CEP112: variants seen among roughly 807,000 people sequenced by gnomAD.
The protein encoded by CEP112 is centrosomal protein 112.
CEP112 carries 127 observed loss-of-function variants against 153.0 expected under a neutral mutation model. The ratio of observed to expected loss-of-function variants is 0.83; its 90% CI spans 0.72 to 0.96. The LOEUF (loss-of-function observed/expected upper bound fraction) is 0.96. Ranked by LOEUF, CEP112 falls within the 40% of genes least tolerant of loss-of-function variation. The pLI, the probability that CEP112 is intolerant of heterozygous loss-of-function variation, is 0.00. For missense variants in CEP112, 1,089 were observed against 1,101.2 expected, an observed-to-expected ratio of 0.99 and a Z score of 0.16; for synonymous variants, 358 against 374.4, an observed-to-expected ratio of 0.96 and a Z score of 0.51.
intron 21 of CEP112, among the ~76,000 whole-genome samples, chr17:65,780,716 C>T (rs189400893): frequency 2.0e-5 from 3 of 151,918 alleles, no homozygotes; most frequent in African/African-American, 7.3e-5. Context: ...ACATGAGTGG[C>T]CATTCTGTGG....
At chr17:65,794,709 T>C (rs2054801164) in intron 21 of CEP112, among the ~76,000 whole-genome samples, 2 of 152,356 alleles carry the variant, frequency 1.3e-5, no homozygotes, top group African/African-American at 4.8e-5. Context: ...ATGGACGGCA[T>C]GACAACCTTG....
intron 24 of CEP112, among the ~76,000 whole-genome samples, chr17:65,681,102 G>A (rs914521733): frequency 2.0e-5 from 3 of 152,206 alleles, no homozygotes; most frequent in African/African-American, 4.8e-5. Flanking sequence ...GGGCAGGGCT[G>A]TTTTGAGGAT....
At chr17:66,080,754 A>T (rs1159181990) in intron 8 of CEP112, among the ~76,000 whole-genome samples, 1 of 152,250 alleles carries the variant, frequency 6.6e-6, no homozygotes, top group Middle Eastern at 3.2e-3. Context: ...AAAGACTTAG[A>T]ACCAACCCAA....
chr17:66,176,805 A>G lies in CEP112; in HGVS notation c.297+25T>C, dbSNP rs778577690. The stretch of plus-strand genomic sequence containing the variant: ...GCTTTTTTTTAAATGAAACTAATAT[A>G]TACCTTTTGTTCATTGATACCTACC... On this transcript the variant is annotated intron_variant, in intron 3 of 26. Transcript: ENST00000535342. The G allele has an allele frequency of 1.9e-6, 3 of 1,556,674 alleles. No individual in the cohort carries two copies. The Admixed American group carries it at 5.9e-5, about 30-fold the overall frequency.
chr17:65,960,894 A>G (rs1416752622), intron 18 of CEP112, among the ~76,000 whole-genome samples: 1 of 152,142 alleles, frequency 6.6e-6, no homozygotes, highest in Non-Finnish European at 1.5e-5. Context: ...ACTTCACCTG[A>G]ATTTTTTAGT....
intron 23 of CEP112, among the ~76,000 whole-genome samples, chr17:65,691,456 T>C (rs1372111854): frequency 2.0e-5 from 3 of 152,204 alleles, no homozygotes; most frequent in Non-Finnish European, 4.4e-5. Context: ...ATAGATTGCC[T>C]GAAGCCCATC....
chr17:65,848,297 C>T (rs116530246), intron 21 of CEP112, among the ~76,000 whole-genome samples: 13 of 152,322 alleles, frequency 8.5e-5, no homozygotes, highest in African/African-American at 3.1e-4. Flanking sequence ...TCATTTTCAG[C>T]GCACTGTCCA....
intron 20 of CEP112, among the ~76,000 whole-genome samples, chr17:65,882,339 C>T (rs894009685): frequency 6.6e-6 from 1 of 152,250 alleles, no homozygotes; most frequent in Non-Finnish European, 1.5e-5. Context: ...ATTTTGGCAT[C>T]TTCAACAGCT....
intron 23 of CEP112, among the ~76,000 whole-genome samples, chr17:65,728,346 C>G (rs969755200): frequency 6.6e-6 from 1 of 152,088 alleles, no homozygotes; most frequent in Non-Finnish European, 1.5e-5. Flanking sequence ...ACAAAAGGGA[C>G]TTTAAGAGAA....
chr17:65,732,752 C>T lies in CEP112; in HGVS notation c.2607+10316G>A, dbSNP rs143091600. ...TGAACAAACCTCTGCTAGCTTCAGA[C>T]TTTTCTTCTGCAGCTTCCTCACCTC... On this transcript the variant is annotated intron_variant, in intron 23 of 26. Coordinates refer to ENST00000535342, the MANE Select transcript of CEP112 (RefSeq NM_001199165.4). Among the ~76,000 whole-genome samples, 793 of 152,328 alleles carry T rather than the reference C, an allele frequency of 5.2e-3. 6 individuals carry two copies. The highest frequency in any genetic ancestry group is 0.018 in the African/African-American group (760 of 41,570).
chr17:66,058,229 C>CAAAT (rs908951965), intron 11 of CEP112, among the ~76,000 whole-genome samples: 40 of 152,080 alleles, frequency 2.6e-4, no homozygotes, highest in African/African-American at 8.9e-4. Context: ...CTCTTCTCTT[C>CAAAT]AAATACCTGA....
At chr17:66,131,994 C>A (rs1368477592) in intron 5 of CEP112, among the ~76,000 whole-genome samples, 4 of 150,756 alleles carry the variant, frequency 2.7e-5, no homozygotes, top group African/African-American at 9.8e-5. Flanking sequence ...CATGGTGAAA[C>A]CCTGTCTCTA....
At chr17:65,785,961 A>C (rs2054255918) in intron 21 of CEP112, among the ~76,000 whole-genome samples, 1 of 152,210 alleles carries the variant, frequency 6.6e-6, no homozygotes, top group African/African-American at 2.4e-5. Flanking sequence ...ATACTAAAAA[A>C]GGCAGTTGGG....
At chr17:65,962,181 G>A (rs1230099385) in intron 17 of CEP112, among the ~76,000 whole-genome samples, 1 of 152,160 alleles carries the variant, frequency 6.6e-6, no homozygotes, top group Non-Finnish European at 1.5e-5. Flanking sequence ...TTAGATAGTG[G>A]TGATGGTTGC....
Position 65,973,241 on chromosome 17 carries a change from A to G in CEP112, c.1737-11643T>C, listed in dbSNP as rs1210010752. Among the ~76,000 whole-genome samples, 4 of 152,354 alleles carry G rather than the reference A, an allele frequency of 2.6e-5. No individual in the cohort carries two copies. In the South Asian group the frequency reaches 6.2e-4, roughly 24 times the overall value. ...CAACAGCACAATTTATAAAAGAACA[A>G]ATACTGTAAACACAGTAGACTTCAT... On this transcript the variant is annotated intron_variant, in intron 17 of 26. Transcript: ENST00000535342.
chr17:65,795,444 C>G (rs1489543271), intron 21 of CEP112, among the ~76,000 whole-genome samples: 1 of 152,164 alleles, frequency 6.6e-6, no homozygotes, highest in Non-Finnish European at 1.5e-5. Flanking sequence ...AGCTATAAAG[C>G]AGGAATTCAG....
intron 8 of CEP112, among the ~76,000 whole-genome samples, chr17:66,096,040 A>G (rs2068331632): frequency 6.6e-6 from 1 of 152,170 alleles, no homozygotes; most frequent in Non-Finnish European, 1.5e-5. Context: ...CCAGCCGGAC[A>G]AAAGATAGAG....
chr17:65,923,076 C>T (rs765382494), intron 19 of CEP112, among the ~76,000 whole-genome samples: 1 of 152,146 alleles, frequency 6.6e-6, no homozygotes, highest in Non-Finnish European at 1.5e-5. Context: ...TTTAATTTAG[C>T]ATGTGTCAGA....
At chr17:66,150,622 G>A (rs550317524) in intron 4 of CEP112, among the ~76,000 whole-genome samples, 8 of 152,154 alleles carry the variant, frequency 5.3e-5, no homozygotes, top group East Asian at 1.9e-4. Context: ...TGTTCTATCC[G>A]GCGTATTGAA....
Sources: allele counts gnomAD v4.1 joint callset (sites outside exome capture counted in the v4.1 genomes callset), GRCh38; gene constraint gnomAD v4.1.1; transcripts MANE v1.5; gene names NCBI Gene and HGNC (gene_info 2026-07-23, HGNC 2026-07-21).